VPS13B: variants seen among roughly 807,000 people sequenced by gnomAD.
The protein encoded by VPS13B is intermembrane lipid transfer protein VPS13B.
In VPS13B, 285 loss-of-function variants were observed where a neutral mutation model predicts 426.4. The ratio of observed to expected loss-of-function variants is 0.67; its 90% CI spans 0.61 to 0.74. VPS13B has a LOEUF of 0.74. VPS13B is among the 30% of genes least tolerant of loss of function. VPS13B has a pLI of 0.00. For synonymous variants in VPS13B, 1,676 were observed against 1,676.4 expected (o/e 1.00, Z 0.01); for missense variants, 4,537 against 4,782.6 (o/e 0.95, Z 1.51).
chr8:99,384,681 GAC>G (rs1814017523), intron 20 of VPS13B, among the ~76,000 whole-genome samples: 1 of 152,110 alleles, frequency 6.6e-6, no homozygotes, highest in African/African-American at 2.4e-5. Context: ...TTTGTTTTGA[GAC>G]ACAGTTTCAC....
At chr8:99,825,681 T>C (rs928369502) in intron 51 of VPS13B, among the ~76,000 whole-genome samples, 8 of 152,250 alleles carry the variant, frequency 5.3e-5, no homozygotes, top group Non-Finnish European at 5.9e-5. Flanking sequence ...CTAGGTTTTC[T>C]TCTAGGCTTT....
intron 20 of VPS13B, among the ~76,000 whole-genome samples, chr8:99,386,539 G>A (rs995741954): frequency 1.3e-5 from 2 of 152,116 alleles, no homozygotes; most frequent in Non-Finnish European, 2.9e-5. Context: ...ACAAAGGTAA[G>A]TATTTGTATA....
chr8:99,573,974 G>T (rs183595526), intron 31 of VPS13B, among the ~76,000 whole-genome samples: 1 of 151,856 alleles, frequency 6.6e-6, no homozygotes, highest in Non-Finnish European at 1.5e-5. Flanking sequence ...CTTTTCTTTC[G>T]TTGAGCAGTG....
chr8:99,157,523 T>C, intron 15 of VPS13B, among the ~76,000 whole-genome samples: 1 of 152,170 alleles, frequency 6.6e-6, no homozygotes, highest in East Asian at 1.9e-4. Context: ...ACTTGGTAAA[T>C]GTTGTGTGTG....
intron 17 of VPS13B, among the ~76,000 whole-genome samples, chr8:99,216,216 G>C (rs926188271): frequency 1.3e-5 from 2 of 152,074 alleles, no homozygotes; most frequent in African/African-American, 2.4e-5. Flanking sequence ...AAGCCACATC[G>C]ATCTCTTTTC....
At chr8:99,113,942 A>T (rs879131863) in intron 6 of VPS13B, among the ~76,000 whole-genome samples, 3 of 151,306 alleles carry the variant, frequency 2.0e-5, no homozygotes, top group East Asian at 1.9e-4. Context: ...ATAATTTTCC[A>T]TTTTTTTTGT....
At chr8:99,170,017 G>C (rs780815358) in intron 15 of VPS13B, 22 bp from the exon 16 acceptor site, 7 of 1,611,252 alleles carry the variant, frequency 4.3e-6, no homozygotes, top group Non-Finnish European at 5.9e-6. Context: ...GTGAACACTT[G>C]CATCTTTTCT....
intron 31 of VPS13B, among the ~76,000 whole-genome samples, chr8:99,557,136 T>G (rs1824625998): frequency 6.6e-6 from 1 of 152,102 alleles, no homozygotes; most frequent in Non-Finnish European, 1.5e-5. Flanking sequence ...TGATAGATCT[T>G]TTTAAATTTT....
chr8:99,231,474 CTCTCTCTCTTTTTCTTTGTCA>C (rs1021912207), intron 17 of VPS13B, among the ~76,000 whole-genome samples: 1 of 152,098 alleles, frequency 6.6e-6, no homozygotes, highest in Non-Finnish European at 1.5e-5. Flanking sequence ...CTCCAATATT[CTCTCTCTCTTTTTCTTTGTCA>C]TCTTTTCTTT....
chr8:99,420,423 G>T (rs774201921), intron 21 of VPS13B, among the ~76,000 whole-genome samples: 1 of 152,222 alleles, frequency 6.6e-6, no homozygotes, highest in East Asian at 1.9e-4. Flanking sequence ...GTTCCAGTTC[G>T]ACTTGAAGAA....
At chr8:99,829,516 T>A (rs1360634619) in intron 51 of VPS13B, among the ~76,000 whole-genome samples, 1 of 152,240 alleles carries the variant, frequency 6.6e-6, no homozygotes, top group African/African-American at 2.4e-5. Context: ...TCGCGGTTCT[T>A]AGCTTCCTTG....
chr8:99,070,180 C>G (rs1368343039), intron 3 of VPS13B, among the ~76,000 whole-genome samples: 2 of 152,156 alleles, frequency 1.3e-5, no homozygotes, highest in African/African-American at 2.4e-5. Context: ...TCCCAAAGTG[C>G]TGGGATTACA....
chr8:99,501,959 G>C (rs547460138), intron 26 of VPS13B, 101 bp downstream of exon 26: 3 of 1,219,424 alleles, frequency 2.5e-6, no homozygotes, highest in Non-Finnish European at 3.4e-6. Context: ...CTGTCTGTCT[G>C]TCTGTCTGTC....
intron 14 of VPS13B, among the ~76,000 whole-genome samples, chr8:99,148,503 ACTTAAT>A (rs1328149014): frequency 3.2e-4 from 49 of 152,298 alleles, no homozygotes; most frequent in Middle Eastern, 3.4e-3. Flanking sequence ...AATAAAATAA[ACTTAAT>A]CTTGAGAGTG....
chr8:99,592,952 G>A (rs1826767645), intron 33 of VPS13B, among the ~76,000 whole-genome samples: 1 of 151,968 alleles, frequency 6.6e-6, no homozygotes, highest in East Asian at 1.9e-4. Flanking sequence ...ACCCCAAACT[G>A]TAAAAACCCT....
At chr8:99,032,532 C>CTTTTTTTTTTTTTTTTTT (rs372714195) in intron 2 of VPS13B, among the ~76,000 whole-genome samples, 1 of 135,652 alleles carries the variant, frequency 7.4e-6, no homozygotes, top group African/African-American at 2.7e-5. Flanking sequence ...TCTTTCTTTT[C>CTTTTTTTTTTTTTTTTTT]TTTTTTTTTT....
At chr8:99,837,556 T>C (rs1215968481) in intron 54 of VPS13B, among the ~76,000 whole-genome samples, 2 of 152,166 alleles carry the variant, frequency 1.3e-5, no homozygotes, top group Non-Finnish European at 2.9e-5. Context: ...CAAAACTTTG[T>C]AGTCAGGGAT....
rs12547849 is a variant in VPS13B, at chr8:99,014,047, T to C, written c.147+112T>C. ...TGTAAAAACGTAACTTTTCTACTGA[T>C]GTATTTTGAGCTACCCTGAAACAAG... On this transcript the variant is annotated intron_variant, in intron 2 of 61. Transcript: ENST00000357162. 232,903 of 1,401,776 alleles carry C rather than the reference T, an allele frequency of 0.17. 23,494 individuals are homozygous for C. The highest frequency in any genetic ancestry group is 0.39 in the Admixed American group (21,605 of 55,534). 86.8% of individuals were successfully genotyped at this position (1,401,776 alleles called of 1,614,324 possible).
chr8:99,396,238 A>G (rs1814719515), intron 21 of VPS13B, among the ~76,000 whole-genome samples: 1 of 152,130 alleles, frequency 6.6e-6, no homozygotes, highest in African/African-American at 2.4e-5. Flanking sequence ...ATCTGTATCT[A>G]TATGTATACA....
Sources: allele counts gnomAD v4.1 joint callset (sites outside exome capture counted in the v4.1 genomes callset), GRCh38; gene constraint gnomAD v4.1.1; transcripts MANE v1.5; gene names NCBI Gene and HGNC (gene_info 2026-07-23, HGNC 2026-07-21).